Variants in USO1 observed in about 807,000 individuals in gnomAD.
The protein encoded by USO1 is general vesicular transport factor p115.
A neutral mutation model predicts 124.5 loss-of-function variants in USO1; 57 were observed. That is an observed-to-expected ratio of 0.46 (90% CI 0.37 to 0.57). The LOEUF is 0.57. USO1 is among the 20% of genes least tolerant of loss of function. The probability of loss-of-function intolerance (pLI) is 0.00; values close to 1 mark genes in which losing one functional copy is unlikely to be tolerated. For synonymous variants in USO1, 369 were observed against 362.8 expected (o/e 1.02, Z -0.19); for missense variants, 900 against 1,040.6 (o/e 0.86, Z 1.86).
Position 75,810,386 on chromosome 4 carries a change from A to T in USO1, c.2476-46A>T, listed in dbSNP as rs139665843. On this transcript the variant is annotated intron_variant, in intron 21 of 23. Transcript: ENST00000514213. ...AATAACCCTTTGGGAGTTCATATTG[A>T]TTGTAATGTTTAAGAGACATCTTTT... 1.3e-5 allele frequency: 20 copies of T among 1,537,876 alleles called. No homozygotes were observed. The African/African-American group carries it at 2.8e-4, about 21-fold the overall frequency.
chr4:75,746,348 C>T (rs1287381549), intron 1 of USO1, among the ~76,000 whole-genome samples: 2 of 152,142 alleles, frequency 1.3e-5, no homozygotes, highest in Non-Finnish European at 2.9e-5. Flanking sequence ...CAGTCATGTG[C>T]CCAGCTAAAG....
At chr4:75,771,382 G>A (rs1488369305) in intron 7 of USO1, among the ~76,000 whole-genome samples, 2 of 152,166 alleles carry the variant, frequency 1.3e-5, no homozygotes, top group Non-Finnish European at 2.9e-5. Context: ...TTACAGACAT[G>A]AGCCACTGAG....
At position 75,804,216 on chromosome 4, in the gene USO1, A is replaced by C; in HGVS notation, c.2069A>C (p.Gln690Pro). The change falls in exon 18 of 24, where the codon CAA (glutamine) becomes CCA (proline). Residue 690 changes from glutamine to proline, a missense_variant. Transcript: ENST00000514213. Reference protein sequence around the residue: ...NEQLQTAVTQQVSQIQQHKDQ... With the variant: ...NEQLQTAVTQPVSQIQQHKDQ... Reference sequence around the variant, plus strand: ...CAGCTCCAGACGGCAGTCACACAGCAAGTATCACAGATCCAGCAGCACAAA... The same window carrying C: ...CAGCTCCAGACGGCAGTCACACAGCCAGTATCACAGATCCAGCAGCACAAA... 3 of 1,613,750 alleles carry C rather than the reference A, an allele frequency of 1.9e-6. No homozygotes were observed. Among genetic ancestry groups the C allele is most frequent in the Non-Finnish European group, 2.5e-6 (3 of 1,179,766 alleles).
chr4:75,740,195 A>G (rs1488525569), intron 1 of USO1, among the ~76,000 whole-genome samples: 3 of 152,192 alleles, frequency 2.0e-5, no homozygotes, highest in Admixed American at 1.3e-4. Flanking sequence ...GGTGTCTTTA[A>G]ACAGAAATAC....
chr4:75,775,648 C>T (rs1226360567), intron 8 of USO1, among the ~76,000 whole-genome samples: 1 of 152,184 alleles, frequency 6.6e-6, no homozygotes, highest in African/African-American at 2.4e-5. Context: ...CAGCACTCAG[C>T]TGCCTAGGTG....
At chr4:75,812,022 T>C (rs548142837) in intron 22 of USO1, 138 bp from the exon 23 acceptor site, 40 of 1,294,188 alleles carry the variant, frequency 3.1e-5, no homozygotes, top group African/African-American at 1.5e-5. Flanking sequence ...TTAAACCTCC[T>C]GTACCCTTAA....
At chr4:75,785,429 T>C in intron 9 of USO1, among the ~76,000 whole-genome samples, 1 of 152,136 alleles carries the variant, frequency 6.6e-6, no homozygotes, top group Non-Finnish European at 1.5e-5. Context: ...TGGCATTTTA[T>C]TGGGAAGATA....
At chr4:75,797,180 A>G (rs1302720089) in intron 13 of USO1, among the ~76,000 whole-genome samples, 2 of 152,000 alleles carry the variant, frequency 1.3e-5, no homozygotes, top group East Asian at 1.9e-4. Flanking sequence ...AATCCCCCCA[A>G]AAAAGACTTT....
chr4:75,800,563 T>G, intron 15 of USO1, 55 bp from the exon 16 acceptor site: 1 of 1,530,868 alleles, frequency 6.5e-7, no homozygotes, highest in Non-Finnish European at 8.7e-7. Flanking sequence ...CAAGCTTTTA[T>G]GTTTTGTTTT....
chr4:75,808,826 A>G, intron 20 of USO1, 127 bp from the exon 21 acceptor site: 1 of 1,091,426 alleles, frequency 9.2e-7, no homozygotes, highest in Non-Finnish European at 1.3e-6. Context: ...ATTCAAGAAT[A>G]GTTCTTTAGA....
intron 1 of USO1, among the ~76,000 whole-genome samples, chr4:75,727,424 C>G (rs1054354601): frequency 3.9e-5 from 6 of 152,150 alleles, no homozygotes; most frequent in African/African-American, 1.4e-4. Context: ...AATTTGTCTT[C>G]TATTTTTTCT....
chr4:75,743,863 G>A (rs762188411), intron 1 of USO1, among the ~76,000 whole-genome samples: 45 of 151,976 alleles, frequency 3.0e-4, no homozygotes, highest in Non-Finnish European at 5.9e-4. Context: ...TGCAAGCTCC[G>A]CCTCCTGGAT....
intron 12 of USO1, among the ~76,000 whole-genome samples, chr4:75,793,205 C>CTTTT (rs67560505): frequency 8.0e-5 from 7 of 87,728 alleles, no homozygotes; most frequent in African/African-American, 1.3e-4. Context: ...TCTCTCTCTC[C>CTTTT]TTTTTTTTTT....
intron 1 of USO1, among the ~76,000 whole-genome samples, chr4:75,745,894 C>T (rs924278976): frequency 2.6e-5 from 4 of 151,268 alleles, no homozygotes; most frequent in Non-Finnish European, 5.9e-5. Context: ...AGTGAGACTC[C>T]GTGTCAAATA....
At chr4:75,812,027 C>T (rs988150849) in intron 22 of USO1, 133 bp from the exon 23 acceptor site, 5 of 1,339,704 alleles carry the variant, frequency 3.7e-6, no homozygotes, top group Admixed American at 5.2e-5. Context: ...CCTCCTGTAC[C>T]CTTAACCTCC....
At chr4:75,773,432 TA>T (rs1204474003) in intron 7 of USO1, among the ~76,000 whole-genome samples, 1 of 152,198 alleles carries the variant, frequency 6.6e-6, no homozygotes, top group Non-Finnish European at 1.5e-5. Context: ...TTAGTCTTTA[TA>T]AAAACCCTGT....
chr4:75,787,513 A>C (rs1341491704), intron 10 of USO1, among the ~76,000 whole-genome samples: 1 of 152,186 alleles, frequency 6.6e-6, no homozygotes, highest in East Asian at 1.9e-4. Context: ...TTTTGAGAAC[A>C]AAGTGACTTA....
rs1722602145 is a variant in USO1, at chr4:75,793,857, C to G, written c.1408C>G (p.Pro470Ala). 6.2e-7 allele frequency: 1 copy of G among 1,613,788 alleles called. No individual in the cohort carries two copies. Among genetic ancestry groups the G allele is most frequent in the Admixed American group, 1.7e-5 (1 of 59,994 alleles). Reference protein sequence around the residue: ...RVQLATSIGNPPVSLLQQCTN... With the variant: ...RVQLATSIGNAPVSLLQQCTN... The stretch of plus-strand genomic sequence containing the variant: ...TCAACTTGCTACAAGTATTGGCAAC[C>G]CTCCAGTTTCTTTACTTCAACAGTG... Residue 470 changes from proline (P) to alanine (A), a missense_variant, in exon 13 of 24, where the codon CCT (proline) becomes GCT (alanine). Physicochemically the swap from Pro to Ala is conservative, Grantham distance 27 (BLOSUM62 -1). Around this residue, in one of 2 missense-constraint regions of USO1, gnomAD observed 538 missense variants for 681.6 expected, o/e 0.79. Transcript: ENST00000514213.
At position 75,736,009 on chromosome 4, in the gene USO1, ATTGT is replaced by A. The variant is rs942845896; in HGVS notation, c.66+11129_66+11132del. Among the ~76,000 whole-genome samples, 44 of 152,224 alleles carry A rather than the reference ATTGT, an allele frequency of 2.9e-4. 1 individual carries two copies. Among genetic ancestry groups the A allele is most frequent in the African/African-American group, 8.2e-4 (34 of 41,524 alleles). ...GCCCAATTTACCAGTTGTTAAATGG[ATTGT>A]TTGTCATTTTCATGTTTCCCTTGGT... On this transcript the variant is annotated intron_variant, in intron 1 of 23. Coordinates refer to ENST00000514213, the MANE Select transcript of USO1 (RefSeq NM_003715.4).
Sources: gnomAD v4.1 joint callset for allele counts (sites outside exome capture counted in the v4.1 genomes callset) on GRCh38, gnomAD v4.1.1 for gene constraint, gnomAD v4.1.1 regional missense constraint, MANE v1.5 for transcripts, NCBI Gene and HGNC (gene_info 2026-07-23, HGNC 2026-07-21) for gene names.